The following DMD variants were observed in gnomAD, a reference collection of about 807,000 sequenced individuals.
DMD encodes dystrophin.
In DMD, 63 loss-of-function variants were observed where a neutral mutation model predicts 330.1. The observed-to-expected ratio is 0.19, with a 90% CI of 0.16 to 0.24. The LOEUF is 0.24. Ranked by LOEUF, DMD falls within the 10% of genes least tolerant of loss-of-function variation. The pLI, the probability that DMD is intolerant of heterozygous loss-of-function variation, is 1.00. For missense variants in DMD, 3,344 were observed against 2,684.1 expected (o/e 1.25, Z -5.43); for synonymous variants, 1,223 against 959.8 (o/e 1.27, Z -5.07).
rs149517870 is a variant in DMD, at chrX:31,953,843, C to T, written c.6614+14496G>A. ...AAAAAGAACAAATTAAAAATATAAA[C>T]GCAAAGATACCATGTTACATACTTC... On this transcript the variant is annotated intron_variant, in intron 45 of 78. Transcript: ENST00000357033. Among the ~76,000 whole-genome samples, 759 of 111,512 alleles carry T rather than the reference C, an allele frequency of 6.8e-3. 7 individuals are homozygous for T. Among genetic ancestry groups the T allele is most frequent in the African/African-American group, 0.023 (714 of 30,694 alleles).
intron 44 of DMD, among the ~76,000 whole-genome samples, chrX:32,088,785 G>C (rs1331707676): frequency 1.8e-5 from 2 of 109,806 alleles, no homozygotes; most frequent in Non-Finnish European, 3.8e-5. Context: ...AAAGTGAATG[G>C]CCTTGATCCT....
intron 7 of DMD, among the ~76,000 whole-genome samples, chrX:32,737,232 A>T (rs139167730): frequency 4.5e-5 from 5 of 111,011 alleles, no homozygotes; most frequent in Non-Finnish European, 9.4e-5. Context: ...GTGTGAATAC[A>T]TGTTTCACTT....
rs767183875 is a variant in DMD, at chrX:32,555,203, CAT to C, written c.1993-9871_1993-9870del. 7.2e-5 allele frequency among the ~76,000 whole-genome samples: 8 copies of C among 111,702 alleles called. No homozygotes were observed. In the East Asian group the frequency reaches 2.3e-3, roughly 32 times the overall value. ...TAAACAGAACTAAAGACAAAAACCA[CAT>C]GACTATCTCAATAGACAACCAAAAG... On this transcript the variant is annotated intron_variant, in intron 16 of 78. Coordinates refer to ENST00000357033, the MANE Select transcript of DMD (RefSeq NM_004006.3).
chrX:31,619,535 G>T (rs1007537470), intron 55 of DMD, among the ~76,000 whole-genome samples: 20 of 111,653 alleles, frequency 1.8e-4, no homozygotes, highest in Non-Finnish European at 3.8e-5. Context: ...TTTTCAAAGT[G>T]CTTTCATATT....
At chrX:32,652,059 G>T (rs746864151) in intron 9 of DMD, among the ~76,000 whole-genome samples, 6 of 111,462 alleles carry the variant, frequency 5.4e-5, no homozygotes, top group Admixed American at 9.5e-5. Context: ...GGTATCATAC[G>T]TACACATATG....
At chrX:33,152,391 C>G (rs1214146810) in intron 1 of DMD, among the ~76,000 whole-genome samples, 2 of 109,063 alleles carry the variant, frequency 1.8e-5, no homozygotes, top group Admixed American at 1.0e-4. Context: ...CCAGGCTGGT[C>G]TTGAACCCTT....
chrX:31,704,118 T>A (rs1013630245), intron 52 of DMD, among the ~76,000 whole-genome samples: 1 of 112,301 alleles, frequency 8.9e-6, no homozygotes, highest in Non-Finnish European at 1.9e-5. Context: ...ACAAAACAGC[T>A]TAATACAAAA....
At chrX:31,254,275 C>G (rs2049697951) in intron 63 of DMD, among the ~76,000 whole-genome samples, 1 of 111,703 alleles carries the variant, frequency 9.0e-6, no homozygotes, top group Admixed American at 9.5e-5. Context: ...AAAAAACTCA[C>G]ATTGTAATTT....
At chrX:33,235,936 G>A (rs1443537561) in intron 1 of DMD, among the ~76,000 whole-genome samples, 1 of 101,243 alleles carries the variant, frequency 9.9e-6, no homozygotes. Flanking sequence ...TTTTTTATGA[G>A]ACGGAATCTG....
intron 43 of DMD, among the ~76,000 whole-genome samples, chrX:32,257,013 C>T (rs1486342477): frequency 9.0e-6 from 1 of 111,363 alleles, no homozygotes; most frequent in Non-Finnish European, 1.9e-5. Context: ...CATTCCTATA[C>T]ACCAAGAATA....
chrX:32,505,110 T>A (rs988669500), intron 18 of DMD, among the ~76,000 whole-genome samples: 1 of 111,076 alleles, frequency 9.0e-6, no homozygotes, highest in Admixed American at 9.6e-5. Context: ...TTTGAGTTTG[T>A]TGATAGTTTT....
chrX:31,520,396 G>A (rs1026697112), intron 55 of DMD, among the ~76,000 whole-genome samples: 2 of 111,095 alleles, frequency 1.8e-5, no homozygotes, highest in African/African-American at 6.6e-5. Context: ...CCTTGTGAAG[G>A]TGCTTCCTTC....
chrX:31,991,273 T>A (rs1421999825), intron 44 of DMD, among the ~76,000 whole-genome samples: 1 of 111,414 alleles, frequency 9.0e-6, no homozygotes, highest in Non-Finnish European at 1.9e-5. Context: ...CACAGTATTA[T>A]AAATGGATTG....
At chrX:32,685,642 G>GTAAGTAT (rs1204712519) in intron 9 of DMD, among the ~76,000 whole-genome samples, 1 of 111,499 alleles carries the variant, frequency 9.0e-6, no homozygotes, top group Non-Finnish European at 1.9e-5. Flanking sequence ...CTTTAAATAA[G>GTAAGTAT]TTACCTAATA....
intron 1 of DMD, among the ~76,000 whole-genome samples, chrX:33,166,194 T>C (rs1037064107): frequency 9.0e-6 from 1 of 110,951 alleles, no homozygotes; most frequent in Non-Finnish European, 1.9e-5. Flanking sequence ...GTTTGAATAG[T>C]AGTCTAGGTG....
intron 29 of DMD, among the ~76,000 whole-genome samples, chrX:32,435,210 G>T (rs1569562331): frequency 1.8e-5 from 1 of 54,244 alleles, no homozygotes; most frequent in South Asian, 8.3e-4. Context: ...GCCCTCAGTG[G>T]GATATATATA....
chrX:31,632,280 G>C (rs1569147462), intron 54 of DMD, among the ~76,000 whole-genome samples: 1 of 111,566 alleles, frequency 9.0e-6, no homozygotes, highest in Non-Finnish European at 1.9e-5. Flanking sequence ...CTTAATTATT[G>C]TATACACACC....
intron 30 of DMD, among the ~76,000 whole-genome samples, chrX:32,403,781 A>C (rs1181276346): frequency 8.9e-6 from 1 of 112,182 alleles, no homozygotes; most frequent in African/African-American, 3.2e-5. Flanking sequence ...TAAAAAGTCT[A>C]CATCTATGGC....
intron 1 of DMD, among the ~76,000 whole-genome samples, chrX:33,320,638 G>A (rs1380600794): frequency 8.9e-6 from 1 of 112,100 alleles, no homozygotes; most frequent in South Asian, 3.7e-4. Flanking sequence ...CTGAAGGTGG[G>A]AGTGACTGTG....
Sources: gnomAD v4.1 joint callset for allele counts (sites outside exome capture counted in the v4.1 genomes callset) on GRCh38, gnomAD v4.1.1 for gene constraint, MANE v1.5 for transcripts, NCBI Gene and HGNC (gene_info 2026-07-23, HGNC 2026-07-21) for gene names.